The following FAM234B variants were observed in gnomAD, a reference collection of about 807,000 sequenced individuals.
FAM234B encodes the protein protein FAM234B.
A neutral mutation model predicts 69.3 loss-of-function variants in FAM234B; 33 were observed. The ratio of observed to expected loss-of-function variants is 0.48; its 90% CI spans 0.36 to 0.64. The LOEUF (loss-of-function observed/expected upper bound fraction) is 0.64. Among genes scored for constraint, FAM234B ranks in the 30% least tolerant of loss-of-function variants. The pLI, the probability that FAM234B is intolerant of heterozygous loss-of-function variation, is 0.00. For synonymous variants in FAM234B, 306 were observed against 306.9 expected, an observed-to-expected ratio of 1.00 and a Z score of 0.03; for missense variants, 697 against 769.7, an observed-to-expected ratio of 0.91 and a Z score of 1.12.
intron 3 of FAM234B, among the ~76,000 whole-genome samples, chr12:13,059,132 A>G (rs1329919127): frequency 6.6e-6 from 1 of 152,152 alleles, no homozygotes; most frequent in Non-Finnish European, 1.5e-5. Context: ...CAGCTCAGGA[A>G]TGGGAGGGGA....
chr12:13,054,415 C>A (rs1362132881), intron 1 of FAM234B, among the ~76,000 whole-genome samples: 1 of 152,240 alleles, frequency 6.6e-6, no homozygotes, highest in African/African-American at 2.4e-5. Flanking sequence ...CTTCCCGCAA[C>A]AATCTGGTCT....
intron 11 of FAM234B, among the ~76,000 whole-genome samples, chr12:13,079,138 T>C (rs1865195383): frequency 2.6e-5 from 4 of 151,970 alleles, no homozygotes; most frequent in African/African-American, 9.7e-5. Context: ...GACTTCAAAC[T>C]ATACTACAAG....
intron 2 of FAM234B, 77 bp downstream of exon 2, chr12:13,056,023 TCTTAAAA>T: frequency 7.1e-7 from 1 of 1,401,626 alleles, no homozygotes; most frequent in Non-Finnish European, 9.4e-7. Context: ...TTCCTCCAAA[TCTTAAAA>T]CTTAATATGT....
chr12:13,057,332 A>G (rs1318502552), intron 2 of FAM234B, among the ~76,000 whole-genome samples: 6 of 152,126 alleles, frequency 3.9e-5, no homozygotes, highest in Non-Finnish European at 8.8e-5. Context: ...ATTGAGATTC[A>G]TCTATATTGA....
chr12:13,075,433 C>CT (rs59012504), intron 10 of FAM234B, among the ~76,000 whole-genome samples: 9,600 of 137,398 alleles, frequency 0.07, 985 homozygotes, highest in African/African-American at 0.22. Context: ...CTTTTCTTTT[C>CT]TTTTTTTTTT....
chr12:13,078,536 T>C (rs1048312096), intron 11 of FAM234B, among the ~76,000 whole-genome samples: 7 of 152,208 alleles, frequency 4.6e-5, no homozygotes, highest in Non-Finnish European at 7.3e-5. Context: ...AAGTTCTGGC[T>C]AGGGCAGTTA....
chr12:13,070,101 TA>T lies in FAM234B; in HGVS notation c.1369-1138del, dbSNP rs1565511038. 2.0e-5 allele frequency among the ~76,000 whole-genome samples: 3 copies of T among 150,038 alleles called. No individual in the cohort carries two copies. The Admixed American group carries it at 2.0e-4, about 10-fold the overall frequency. On this transcript the variant is annotated intron_variant, in intron 9 of 12. Coordinates refer to ENST00000197268, the MANE Select transcript of FAM234B (RefSeq NM_020853.2). ...AGTTTCTGCATTTATAAAACAGGGG[TA>T]ATAATATTGCCTGCCTTCATAGGAT...
chr12:13,076,576 T>C (rs896731571), intron 11 of FAM234B, among the ~76,000 whole-genome samples: 1 of 152,248 alleles, frequency 6.6e-6, no homozygotes, highest in Non-Finnish European at 1.5e-5. Context: ...TGCCAGGGCA[T>C]TGATTTAGAA....
At position 13,055,846 on chromosome 12, in the gene FAM234B, G is replaced by A; in HGVS notation, c.333G>A (p.Leu111=). 6.2e-7 allele frequency: 1 copy of A among 1,614,038 alleles called. No individual in the cohort carries two copies. The highest frequency in any genetic ancestry group is 8.5e-7 in the Non-Finnish European group (1 of 1,180,014). ...YVRTSVFLLT[L]GISMILVLLC... ...GCACGTCTGTCTTCCTGCTGACTTT[G>A]GGGATCTCGATGATCCTGGTGCTCC... Residue 111 remains leucine (L), a synonymous_variant, in exon 2 of 13, where the codon TTG becomes TTA. Coordinates refer to ENST00000197268, the MANE Select transcript of FAM234B (RefSeq NM_020853.2).
intron 1 of FAM234B, among the ~76,000 whole-genome samples, chr12:13,052,631 A>G (rs1270513239): frequency 6.6e-6 from 1 of 152,048 alleles, no homozygotes. Flanking sequence ...CAACCATTCT[A>G]CTTTCTGTTT....
chr12:13,064,648 A>G (rs982853765), intron 5 of FAM234B, among the ~76,000 whole-genome samples: 5 of 152,256 alleles, frequency 3.3e-5, no homozygotes, highest in Admixed American at 2.6e-4. Flanking sequence ...GGGTACAGCT[A>G]GGGCATAGTC....
Position 13,054,461 on chromosome 12 carries a change from A to G in FAM234B, c.38-1090A>G, listed in dbSNP as rs114576800. Among the ~76,000 whole-genome samples the G allele has an allele frequency of 5.3e-3, 802 of 152,294 alleles. 5 individuals carry two copies. The highest frequency in any genetic ancestry group is 0.018 in the African/African-American group (749 of 41,554). The stretch of plus-strand genomic sequence containing the variant: ...TTTTATTCTTTCATTTTATTAATTG[A>G]ACAAACTGAGATATAATGTATGAAA... On this transcript the variant is annotated intron_variant, in intron 1 of 12. Transcript: ENST00000197268.
chr12:13,080,864 T>G lies in FAM234B; in HGVS notation c.*234T>G. On this transcript the variant is annotated 3_prime_UTR_variant, in exon 13 of 13. Coordinates refer to ENST00000197268, the MANE Select transcript of FAM234B (RefSeq NM_020853.2). ...CCCTGCATTAATCCCCTCTAGGAAC[T>G]CTGCGTGGATCGTTTGGAAATGTGA... 3 of 442,580 alleles carry G rather than the reference T, an allele frequency of 6.8e-6. No individual in the cohort carries two copies. The highest frequency in any genetic ancestry group is 7.9e-6 in the Non-Finnish European group (2 of 252,470). The allele number at this position is 442,580 out of a possible 1,614,324, so 27.4% of individuals were successfully genotyped here. A position where few individuals can be genotyped will look rare whatever the true frequency, so the allele number is the denominator to read the frequency against.
At chr12:13,080,321 G>GCTAA (rs1865210887) in intron 12 of FAM234B, among the ~76,000 whole-genome samples, 1 of 152,140 alleles carries the variant, frequency 6.6e-6, no homozygotes, top group African/African-American at 2.4e-5. Flanking sequence ...GGCTAGTGAT[G>GCTAA]CTAACATCAT....
chr12:13,080,080 T>C, intron 12 of FAM234B, 71 bp downstream of exon 12: 1 of 1,197,224 alleles, frequency 8.4e-7, no homozygotes, highest in Non-Finnish European at 1.2e-6. Flanking sequence ...GCTTTGTCTT[T>C]AGAAAGTAGG....
At chr12:13,058,383 A>G in intron 2 of FAM234B, 68 bp from the exon 3 acceptor site, 1 of 1,235,334 alleles carries the variant, frequency 8.1e-7, no homozygotes, top group Non-Finnish European at 1.2e-6. Context: ...TTATAGAGCT[A>G]CTGGCAACAG....
intron 11 of FAM234B, among the ~76,000 whole-genome samples, chr12:13,079,310 A>G (rs1182488152): frequency 6.6e-6 from 1 of 152,234 alleles, no homozygotes; most frequent in African/African-American, 2.4e-5. Context: ...TATTTAATAA[A>G]TGGTGCTGGG....
intron 6 of FAM234B, 168 bp downstream of exon 6, chr12:13,066,955 C>T: frequency 4.4e-6 from 4 of 910,380 alleles, no homozygotes; most frequent in Non-Finnish European, 6.6e-6. Context: ...ATTAACTCTG[C>T]CTTCCCTTGC....
At chr12:13,070,744 G>A (rs1156795063) in intron 9 of FAM234B, among the ~76,000 whole-genome samples, 2 of 152,008 alleles carry the variant, frequency 1.3e-5, no homozygotes, top group African/African-American at 4.8e-5. Flanking sequence ...CATATGCCAC[G>A]ACACCAAGAG....
Sources: gnomAD v4.1 joint callset for allele counts (sites outside exome capture counted in the v4.1 genomes callset) on GRCh38, gnomAD v4.1.1 for gene constraint, MANE v1.5 for transcripts, NCBI Gene and HGNC (gene_info 2026-07-23, HGNC 2026-07-21) for gene names.